Variants in FERMT2 observed in about 807,000 individuals in gnomAD.
FERMT2 encodes fermitin family homolog 2.
FERMT2 carries 15 observed loss-of-function variants against 82.7 expected under a neutral mutation model. The observed-to-expected ratio is 0.18, with a 90% CI of 0.12 to 0.28. FERMT2 has a LOEUF of 0.28. Ranked by LOEUF, FERMT2 falls within the 10% of genes least tolerant of loss-of-function variation. FERMT2 has a pLI of 1.00. For missense variants in FERMT2, 645 were observed against 809.4 expected (o/e 0.80, Z 2.46); for synonymous variants, 274 against 271.5 (o/e 1.01, Z -0.09).
chr14:52,926,799 A>G (rs1469456637), intron 2 of FERMT2, among the ~76,000 whole-genome samples: 1 of 152,176 alleles, frequency 6.6e-6, no homozygotes, highest in African/African-American at 2.4e-5. Flanking sequence ...TGATTTACTT[A>G]TAAATTTGGC....
chr14:52,921,422 A>C (rs560880829), intron 2 of FERMT2, among the ~76,000 whole-genome samples: 14 of 152,364 alleles, frequency 9.2e-5, no homozygotes, highest in South Asian at 8.3e-4. Context: ...TGTAACTGCT[A>C]TTTTATAACT....
At chr14:52,921,236 A>G (rs1430522464) in intron 2 of FERMT2, among the ~76,000 whole-genome samples, 2 of 152,230 alleles carry the variant, frequency 1.3e-5, no homozygotes, top group African/African-American at 4.8e-5. Context: ...TGCCACAGGT[A>G]GAAAAAGACT....
intron 4 of FERMT2, among the ~76,000 whole-genome samples, chr14:52,882,822 A>C (rs1002962016): frequency 3.9e-5 from 6 of 152,074 alleles, no homozygotes; most frequent in Non-Finnish European, 7.4e-5. Flanking sequence ...TTTACTGAAA[A>C]TATGTAATCT....
chr14:52,943,205 T>C (rs1324335075), intron 2 of FERMT2, among the ~76,000 whole-genome samples: 1 of 110,846 alleles, frequency 9.0e-6, no homozygotes, highest in Non-Finnish European at 1.9e-5. Context: ...CAAAACTCTG[T>C]CTCAAAAGAA....
chr14:52,877,574 C>CTTTAATTTT (rs771194186), intron 7 of FERMT2, among the ~76,000 whole-genome samples: 36 of 67,064 alleles, frequency 5.4e-4, no homozygotes, highest in African/African-American at 2.2e-3. Context: ...GCTGTTCTTG[C>CTTTAATTTT]TTTTTTTTTT....
Position 52,858,535 on chromosome 14 carries a change from C to G in FERMT2, c.1885G>C (p.Ala629Pro). 1.2e-6 allele frequency: 2 copies of G among 1,614,086 alleles called. No homozygotes were observed. Among genetic ancestry groups the G allele is most frequent in the Non-Finnish European group, 1.7e-6 (2 of 1,179,960 alleles). Residue 629 changes from alanine to proline, a missense_variant, in exon 15 of 15, where the codon GCA becomes CCA. Ala to Pro is a conservative substitution (Grantham distance 27, BLOSUM62 -1). Coordinates refer to ENST00000341590, the MANE Select transcript of FERMT2 (RefSeq NM_006832.3). Reference sequence around the variant, plus strand: ...ATGAAGGACAATCGTACTTCATCTGCAAACTCTACGGTGACCTGGAACAAA... The same window carrying G: ...ATGAAGGACAATCGTACTTCATCTGGAAACTCTACGGTGACCTGGAACAAA... ...WEIKMVTVEFADEVRLSFICT... is the reference protein window; with the variant it reads ...WEIKMVTVEFPDEVRLSFICT...
rs376113224 is a variant in FERMT2, at chr14:52,860,457, C to T, written c.1611G>A (p.Ala537=). 352 of 1,612,116 alleles carry T rather than the reference C, an allele frequency of 2.2e-4. No homozygotes were observed. The highest frequency in any genetic ancestry group is 6.2e-4 in the Admixed American group (37 of 59,684). Residue 537 remains alanine (A), a synonymous_variant, in exon 13 of 15, where the codon GCG becomes GCA. Coordinates refer to ENST00000341590, the MANE Select transcript of FERMT2 (RefSeq NM_006832.3). ...LKKYKNKQIT[A]RILEAHQNVA... ...CATTCTGATGGGCCTCCAAGATTCT[C>T]GCTGTTATCTAAACATGAGTAAACA...
rs745803960 is a variant in FERMT2 at position 52,859,619 on chromosome 14, C to T, written c.1823G>A (p.Arg608His). 10 of 1,610,910 alleles carry T rather than the reference C, an allele frequency of 6.2e-6. No homozygotes were observed. The highest frequency in any genetic ancestry group is 7.6e-6 in the Non-Finnish European group (9 of 1,178,402). ...ASTGDAIKTW[R>H]FSNMKQWNVN... is the part of the protein sequence containing the mutation. ...ATTCCACTGTTTCATGTTGCTGAAA[C>T]GCCATGTTTTAATTGCATCTCCAGT... Residue 608 changes from arginine (R) to histidine (H), a missense_variant, in exon 14 of 15, where the codon CGT becomes CAT. Physicochemically the swap from Arg to His is conservative, Grantham distance 29. Transcript: ENST00000341590.
At chr14:52,895,750 C>T (rs1171943603) in intron 3 of FERMT2, among the ~76,000 whole-genome samples, 3 of 152,076 alleles carry the variant, frequency 2.0e-5, no homozygotes, top group Non-Finnish European at 4.4e-5. Flanking sequence ...TCAAATTTCA[C>T]ACTTTAAATA....
chr14:52,900,743 T>G (rs1887574697), intron 3 of FERMT2, among the ~76,000 whole-genome samples: 1 of 152,124 alleles, frequency 6.6e-6, no homozygotes, highest in South Asian at 2.1e-4. Flanking sequence ...AAAAATTTAG[T>G]CCGCCCCAGC....
chr14:52,950,579 T>G lies in FERMT2; in HGVS notation c.-9-2A>C, dbSNP rs902954398. On this transcript the variant is annotated splice_acceptor_variant, in intron 1 of 14. Transcript: ENST00000341590. LOFTEE classifies it low-confidence loss of function (5UTR_SPLICE). Reference sequence around the variant, plus strand: ...CCCGTCCAGAGCCATGGCTCCTTCCTGCGAGCGCGGAGGAAATGGCTCTCG... The same window carrying G: ...CCCGTCCAGAGCCATGGCTCCTTCCGGCGAGCGCGGAGGAAATGGCTCTCG... The G allele has an allele frequency of 3.1e-6, 5 of 1,610,846 alleles. No homozygotes were observed. The East Asian group carries it at 1.1e-4, about 36-fold the overall frequency.
intron 2 of FERMT2, among the ~76,000 whole-genome samples, chr14:52,935,532 A>T (rs897515938): frequency 6.6e-6 from 1 of 152,118 alleles, no homozygotes; most frequent in East Asian, 1.9e-4. Context: ...CTGGTTTCCT[A>T]TCTCTCCTTC....
Position 52,881,276 on chromosome 14 carries a change from T to C in FERMT2, c.720A>G (p.Gln240=), listed in dbSNP as rs1282833230. 3 of 1,614,104 alleles carry C rather than the reference T, an allele frequency of 1.9e-6. No individual in the cohort carries two copies. The South Asian group carries it at 3.3e-5, about 18-fold the overall frequency. ...TGATTTTTGCTTTATCAAGAAGAGC[T>C]TGAGGCTTGAACATTTTTGCCAAGA... The part of the protein sequence containing the change: ...PEILAKMFKP[Q]ALLDKAKINQ... The change falls in exon 5 of 15, where the codon CAA becomes CAG. Residue 240 remains glutamine (Q), a synonymous_variant. Transcript: ENST00000341590.
chr14:52,881,799 T>C (rs1453665817), intron 4 of FERMT2: 3 of 1,306,630 alleles, frequency 2.3e-6, no homozygotes, highest in East Asian at 5.2e-5. Flanking sequence ...GGCTCACCTT[T>C]CAGAGGGCCA....
chr14:52,864,109 A>G (rs1885121043), intron 12 of FERMT2, among the ~76,000 whole-genome samples: 8 of 152,062 alleles, frequency 5.3e-5, no homozygotes, highest in Admixed American at 5.2e-4. Context: ...TTTGGGTTTC[A>G]GATTTTTTTG....
chr14:52,918,001 G>A (rs948051023), intron 3 of FERMT2, among the ~76,000 whole-genome samples: 15 of 152,150 alleles, frequency 9.9e-5, no homozygotes, highest in African/African-American at 3.4e-4. Flanking sequence ...GTACTCTGGC[G>A]CTAGCCCAAC....
chr14:52,883,906 G>T (rs543749909), intron 4 of FERMT2, among the ~76,000 whole-genome samples: 1 of 152,054 alleles, frequency 6.6e-6, no homozygotes, highest in Non-Finnish European at 1.5e-5. Flanking sequence ...TCCGCCTTCC[G>T]CTGTAATTGT....
intron 4 of FERMT2, among the ~76,000 whole-genome samples, chr14:52,887,813 TACTTA>T (rs1886704302): frequency 2.0e-5 from 3 of 152,144 alleles, no homozygotes; most frequent in African/African-American, 2.4e-5. Flanking sequence ...TAACTAAAAT[TACTTA>T]ACTTTAGTTA....
intron 2 of FERMT2, among the ~76,000 whole-genome samples, chr14:52,943,284 T>A (rs1370049409): frequency 6.6e-6 from 1 of 152,138 alleles, no homozygotes; most frequent in African/African-American, 2.4e-5. Flanking sequence ...TTAAACAATG[T>A]CTTAAAAGAC....
Sources: gnomAD v4.1 joint callset for allele counts (sites outside exome capture counted in the v4.1 genomes callset) on GRCh38, gnomAD v4.1.1 for gene constraint, MANE v1.5 for transcripts, NCBI Gene and HGNC (gene_info 2026-07-23, HGNC 2026-07-21) for gene names.